Variants in PDE1C observed in about 807,000 individuals in gnomAD.
The protein encoded by PDE1C is dual specificity calcium/calmodulin-dependent 3',5'-cyclic nucleotide phosphodiesterase 1C.
In PDE1C, 62 loss-of-function variants were observed where a neutral mutation model predicts 93.1. The ratio of observed to expected loss-of-function variants is 0.67; its 90% confidence interval spans 0.54 to 0.82. The LOEUF (loss-of-function observed/expected upper bound fraction) is 0.82. Among genes scored for constraint, PDE1C ranks in the 40% least tolerant of loss-of-function variants. The pLI, the probability that PDE1C is intolerant of heterozygous loss-of-function variation, is 0.00. For missense variants in PDE1C, 742 were observed against 884.6 expected, an observed-to-expected ratio of 0.84 and a Z score of 2.04; for synonymous variants, 325 against 310.1, an observed-to-expected ratio of 1.05 and a Z score of -0.50.
At chr7:31,698,373 T>A in the PDE1C span, among the ~76,000 whole-genome samples, 1 of 152,164 alleles carries the variant, frequency 6.6e-6, no homozygotes, top group Non-Finnish European at 1.5e-5. Flanking sequence ...CACTTCCAAT[T>A]ACCTCTATCT....
chr7:31,673,497 T>C, the PDE1C span, among the ~76,000 whole-genome samples: 2 of 152,336 alleles, frequency 1.3e-5, no homozygotes, highest in East Asian at 1.9e-4. Flanking sequence ...ATATTTGTTA[T>C]GTACATTGCA....
chr7:32,374,250 G>A (rs1220156683), intron 1 of PDE1C, among the ~76,000 whole-genome samples: 35 of 57,890 alleles, frequency 6.0e-4, no homozygotes, highest in African/African-American at 1.9e-3. Context: ...AGGAAGGAAA[G>A]GAAAGGAAGA....
chr7:32,003,950 C>T (rs575050654), intron 2 of PDE1C, among the ~76,000 whole-genome samples: 1 of 152,270 alleles, frequency 6.6e-6, no homozygotes, highest in Non-Finnish European at 1.5e-5. Context: ...GAAGACCTTT[C>T]TAACAAGGTG....
intron 2 of PDE1C, among the ~76,000 whole-genome samples, chr7:32,029,706 G>A (rs150717570): frequency 6.2e-4 from 94 of 152,104 alleles, no homozygotes; most frequent in African/African-American, 2.1e-3. Context: ...CACCCAAACA[G>A]GTAATGCAAC....
chr7:32,375,705 C>T (rs534577830), intron 1 of PDE1C, among the ~76,000 whole-genome samples: 1 of 152,368 alleles, frequency 6.6e-6, no homozygotes, highest in East Asian at 1.9e-4. Context: ...GGCTTCTAGC[C>T]TCTGCTCTGC....
chr7:31,824,816 TC>T (rs754073554), intron 13 of PDE1C, 50 bp downstream of exon 13: 295 of 1,595,350 alleles, frequency 1.8e-4, no homozygotes, highest in Non-Finnish European at 2.5e-4. Flanking sequence ...AAGAATTCTA[TC>T]CTCAAGGACA....
chr7:31,769,671 CATA>C (rs967794577), intron 17 of PDE1C, among the ~76,000 whole-genome samples: 1 of 152,070 alleles, frequency 6.6e-6, no homozygotes, highest in African/African-American at 2.4e-5. Context: ...TTCCTATATT[CATA>C]ATGTTTCACA....
chr7:32,226,196 G>A lies in PDE1C; in HGVS notation c.86-16657C>T, dbSNP rs150180560. On this transcript the variant is annotated intron_variant, in intron 1 of 18. Coordinates refer to the PDE1C transcript ENST00000396193. ...TCCCAGGGCCTGGTTTTAAAGCCCC[G>A]TCTCTATCTGTCTGGCCCTGACTCC... 2.3e-3 allele frequency among the ~76,000 whole-genome samples: 350 copies of A among 152,278 alleles called. 1 individual carries two copies. Among genetic ancestry groups the A allele is most frequent in the Non-Finnish European group, 4.3e-3 (293 of 68,020 alleles).
rs947182318 is a variant in PDE1C at position 31,821,496 on chromosome 7, A to G, written c.1582+1577T>C. 2.6e-5 allele frequency among the ~76,000 whole-genome samples: 4 copies of G among 152,264 alleles called. No individual in the cohort carries two copies. The South Asian group carries it at 8.3e-4, about 32-fold the overall frequency. On this transcript the variant is annotated intron_variant, in intron 14 of 17. Transcript: ENST00000396191. Reference sequence around the variant, plus strand: ...AGTGTAATGAGTGTAATTGATTATAAGAGAGTGTTTCTTTGCAGATGATGC... The same window carrying G: ...AGTGTAATGAGTGTAATTGATTATAGGAGAGTGTTTCTTTGCAGATGATGC...
chr7:31,733,087 G>A, the PDE1C span, among the ~76,000 whole-genome samples: 1 of 152,196 alleles, frequency 6.6e-6, no homozygotes, highest in East Asian at 1.9e-4. Flanking sequence ...CAGGGTTAAA[G>A]GTTTTCCCCT....
chr7:31,747,087 C>G (rs529799710), downstream of PDE1C, among the ~76,000 whole-genome samples: 2 of 152,132 alleles, frequency 1.3e-5, no homozygotes. Flanking sequence ...AAGAATCATG[C>G]CATTGCTGCT....
the PDE1C span, among the ~76,000 whole-genome samples, chr7:31,695,036 G>T: frequency 6.6e-6 from 1 of 152,172 alleles, no homozygotes; most frequent in African/African-American, 2.4e-5. Context: ...AGGACCGAGG[G>T]AACCTTTCTA....
chr7:32,412,661 G>A (rs367984789), intron 1 of PDE1C, among the ~76,000 whole-genome samples: 2 of 151,620 alleles, frequency 1.3e-5, no homozygotes, highest in Admixed American at 6.6e-5. Context: ...TTTTCAACTC[G>A]ATTAGCATCT....
At chr7:31,730,540 G>A in the PDE1C span, among the ~76,000 whole-genome samples, 1 of 152,138 alleles carries the variant, frequency 6.6e-6, no homozygotes, top group African/African-American at 2.4e-5. Context: ...GTGCAGTATG[G>A]GAAAGAAAAG....
At position 31,873,385 on chromosome 7, in the gene PDE1C, G is replaced by A. The variant is rs765660796; in HGVS notation, c.516C>T (p.Asp172=). 3.0e-5 allele frequency: 49 copies of A among 1,612,712 alleles called. No individual in the cohort carries two copies. Among genetic ancestry groups the A allele is most frequent in the Admixed American group, 3.3e-5 (2 of 59,938 alleles). ...ALKDVDKWSF[D]VFSLNEASGD... Reference sequence around the variant, plus strand: ...CACTGGCCTCATTGAGGGAAAAGACGTCAAAGGACCACTTGTCCACATCCT... The same window carrying A: ...CACTGGCCTCATTGAGGGAAAAGACATCAAAGGACCACTTGTCCACATCCT... The change falls in exon 6 of 18, where the codon GAC becomes GAT. Residue 172 remains aspartate, a synonymous_variant. Coordinates refer to ENST00000396191, the MANE Select transcript of PDE1C (RefSeq NM_001191057.4).
intron 2 of PDE1C, among the ~76,000 whole-genome samples, chr7:31,940,181 A>G (rs1805627213): frequency 6.6e-6 from 1 of 152,184 alleles, no homozygotes; most frequent in Admixed American, 6.5e-5. Flanking sequence ...ATTTGAACTC[A>G]TATCTATCTG....
At chr7:32,419,236 TA>T (rs1373746526) in intron 1 of PDE1C, among the ~76,000 whole-genome samples, 2 of 152,362 alleles carry the variant, frequency 1.3e-5, no homozygotes, top group East Asian at 3.9e-4. Context: ...AAGAGCCTGT[TA>T]CTGAATTTAG....
chr7:32,204,369 C>A (rs1805255884), intron 2 of PDE1C, among the ~76,000 whole-genome samples: 1 of 152,158 alleles, frequency 6.6e-6, no homozygotes, highest in Non-Finnish European at 1.5e-5. Flanking sequence ...TTTTCTTGTC[C>A]ACGATTGCTC....
At chr7:32,264,294 T>C (rs1810418228) in intron 1 of PDE1C, among the ~76,000 whole-genome samples, 1 of 152,240 alleles carries the variant, frequency 6.6e-6, no homozygotes. Flanking sequence ...CCAATATTTA[T>C]CAAGCACCTA....
Sources: allele counts gnomAD v4.1 joint callset (sites outside exome capture counted in the v4.1 genomes callset), GRCh38; gene constraint gnomAD v4.1.1; transcripts MANE v1.5; gene names NCBI Gene and HGNC (gene_info 2026-07-23, HGNC 2026-07-21).